The following ST7 variants were observed in gnomAD, a reference collection of about 807,000 sequenced individuals.
ST7 encodes the protein suppression of tumorigenicity 7.
In ST7, 28 loss-of-function variants were observed where a neutral mutation model predicts 78.7. The ratio of observed to expected loss-of-function variants is 0.36; its 90% CI spans 0.26 to 0.49. ST7 has a LOEUF of 0.49. Among genes scored for constraint, ST7 ranks in the 20% least tolerant of loss-of-function variants. The pLI, the probability that ST7 is intolerant of heterozygous loss-of-function variation, is 0.99. For missense variants in ST7, 418 were observed against 696.0 expected (o/e 0.60, Z 4.49); for synonymous variants, 247 against 249.6 (o/e 0.99, Z 0.10).
chr7:117,065,170 A>G lies in ST7; in HGVS notation c.152-34592A>G, dbSNP rs976133877. On this transcript the variant is annotated intron_variant, in intron 1 of 15. Transcript: ENST00000323984. ...CAAGATTCTATAGCAAGTTATGAAT[A>G]AAACTAGGAATTTGAGGGCTTTTTG... 2.0e-5 allele frequency among the ~76,000 whole-genome samples: 3 copies of G among 151,894 alleles called. No individual in the cohort carries two copies. In the East Asian group the frequency reaches 5.8e-4, roughly 29 times the overall value.
chr7:117,175,218 C>T (rs972681838), intron 10 of ST7, among the ~76,000 whole-genome samples: 1 of 152,132 alleles, frequency 6.6e-6, no homozygotes, highest in East Asian at 1.9e-4. Context: ...TTCAGTCATA[C>T]ATTTGCTATA....
intron 1 of ST7, among the ~76,000 whole-genome samples, chr7:117,010,704 A>T (rs771238513): frequency 3.0e-4 from 45 of 152,356 alleles, no homozygotes; most frequent in Non-Finnish European, 5.3e-4. Flanking sequence ...TAGAGTGAAC[A>T]TTTATAATCC....
chr7:117,022,597 C>G (rs1795980332), intron 1 of ST7, among the ~76,000 whole-genome samples: 1 of 152,162 alleles, frequency 6.6e-6, no homozygotes, highest in South Asian at 2.1e-4. Context: ...GGAAAATAGT[C>G]ACATTTGAAA....
intron 10 of ST7, among the ~76,000 whole-genome samples, chr7:117,175,377 G>A (rs1043665398): frequency 3.3e-5 from 5 of 152,196 alleles, no homozygotes; most frequent in African/African-American, 1.2e-4. Context: ...GGGTGGGAGT[G>A]TGGAAAAGAA....
intron 14 of ST7, 48 bp from the exon 15 acceptor site, chr7:117,221,875 G>C: frequency 1.3e-6 from 2 of 1,552,142 alleles, no homozygotes; most frequent in Non-Finnish European, 1.7e-6. Context: ...TCCCCTGAGA[G>C]TGCAGTTTAC....
chr7:117,197,243 A>G (rs997779634), intron 12 of ST7, among the ~76,000 whole-genome samples: 1 of 152,150 alleles, frequency 6.6e-6, no homozygotes, highest in South Asian at 2.1e-4. Context: ...CTGTTGCCCA[A>G]GTTGTGCCTC....
At chr7:117,161,437 TTTTA>T (rs1043726274) in intron 9 of ST7, among the ~76,000 whole-genome samples, 89 of 151,992 alleles carry the variant, frequency 5.9e-4, no homozygotes, top group African/African-American at 2.1e-3. Context: ...CCTTCTTTTC[TTTTA>T]TTTATTTTTT....
chr7:117,062,800 C>T (rs1260559274), intron 1 of ST7, among the ~76,000 whole-genome samples: 1 of 152,152 alleles, frequency 6.6e-6, no homozygotes, highest in Non-Finnish European at 1.5e-5. Flanking sequence ...ATGGTACATC[C>T]TGAACTTGGC....
intron 1 of ST7, among the ~76,000 whole-genome samples, chr7:117,001,728 T>C (rs1275465950): frequency 6.6e-6 from 1 of 152,204 alleles, no homozygotes; most frequent in Non-Finnish European, 1.5e-5. Context: ...GATAATTGCA[T>C]TAATATCATT....
chr7:117,132,811 T>G (rs1465929075), intron 6 of ST7, among the ~76,000 whole-genome samples: 1 of 151,856 alleles, frequency 6.6e-6, no homozygotes, highest in Non-Finnish European at 1.5e-5. Flanking sequence ...TATGCCTGCC[T>G]TCTGTGTGTC....
At chr7:117,078,661 A>G (rs1799533252) in intron 1 of ST7, among the ~76,000 whole-genome samples, 2 of 152,210 alleles carry the variant, frequency 1.3e-5, no homozygotes, top group Admixed American at 1.3e-4. Context: ...CATTTCTACT[A>G]TTATAAAGCT....
intron 3 of ST7, among the ~76,000 whole-genome samples, chr7:117,126,877 A>G (rs1224993865): frequency 6.6e-6 from 1 of 151,942 alleles, no homozygotes; most frequent in African/African-American, 2.4e-5. Context: ...GACTTTGGGA[A>G]CTAAGCAAGT....
chr7:117,189,491 A>C (rs1809579288), intron 11 of ST7, 98 bp downstream of exon 11: 4 of 859,600 alleles, frequency 4.7e-6, no homozygotes, highest in Non-Finnish European at 6.8e-6. Flanking sequence ...AGGCTATGAG[A>C]CCCCTGCTTA....
chr7:117,018,648 G>A (rs1416181903), intron 1 of ST7, among the ~76,000 whole-genome samples: 2 of 152,162 alleles, frequency 1.3e-5, no homozygotes, highest in Non-Finnish European at 2.9e-5. Context: ...TTGAAGCCCA[G>A]TATATCATTC....
At chr7:116,967,552 C>T (rs1395523003) in intron 1 of ST7, 1 of 363,834 alleles carries the variant, frequency 2.7e-6, no homozygotes. Context: ...GAATTACTGA[C>T]CTGCGATAAA....
chr7:117,135,186 G>A (rs1804686236), intron 7 of ST7, among the ~76,000 whole-genome samples: 1 of 152,154 alleles, frequency 6.6e-6, no homozygotes, highest in Admixed American at 6.5e-5. Flanking sequence ...TTCTTTGGCA[G>A]TGGGTTGTTC....
Position 117,170,891 on chromosome 7 carries a change from G to C in ST7, c.993G>C (p.Met331Ile), listed in dbSNP as rs760545633. ...TGAAGGAGTTCCCCCTTCTGAGTAT[G>C]TTCAATATCCATGAAAACCTTTTAG... ...DLMKEFPLLSMFNIHENLLEA... is the reference protein window; with the variant it reads ...DLMKEFPLLSIFNIHENLLEA... Residue 331 changes from methionine (M) to isoleucine (I), a missense_variant, in exon 10 of 16, where the codon ATG (methionine) becomes ATC (isoleucine). By Grantham distance (10) the Met-to-Ile change is conservative (BLOSUM62 1). Transcript: ENST00000323984. The C allele has an allele frequency of 1.2e-6, 2 of 1,611,128 alleles. No individual in the cohort carries two copies. The highest frequency in any genetic ancestry group is 1.7e-6 in the Non-Finnish European group (2 of 1,178,346).
At chr7:117,176,777 A>G (rs1808373993) in intron 10 of ST7, among the ~76,000 whole-genome samples, 1 of 152,214 alleles carries the variant, frequency 6.6e-6, no homozygotes, top group Non-Finnish European at 1.5e-5. Flanking sequence ...ATACTTCCAA[A>G]ACAGTACTTT....
chr7:117,056,967 G>T (rs1798095015), intron 1 of ST7, among the ~76,000 whole-genome samples: 2 of 152,228 alleles, frequency 1.3e-5, no homozygotes, highest in African/African-American at 4.8e-5. Context: ...GATTCTCTTG[G>T]TGTATTGAAG....
Sources: gnomAD v4.1 joint callset for allele counts (sites outside exome capture counted in the v4.1 genomes callset) on GRCh38, gnomAD v4.1.1 for gene constraint, MANE v1.5 for transcripts, NCBI Gene and HGNC (gene_info 2026-07-23, HGNC 2026-07-21) for gene names.